NALF1: variants seen among roughly 807,000 people sequenced by gnomAD.
NALF1 encodes NALCN channel auxiliary factor 1, also known as family with sequence similarity 155 member A.
NALF1 carries 3 observed loss-of-function variants against 48.4 expected under a neutral mutation model. That is an observed-to-expected ratio of 0.06 (90% CI 0.03 to 0.16). The LOEUF (loss-of-function observed/expected upper bound fraction) is 0.16. NALF1 is among the 10% of genes least tolerant of loss of function. The pLI is 1.00. For missense variants in NALF1, 526 were observed against 571.5 expected (o/e 0.92, Z 0.81); for synonymous variants, 262 against 245.7 (o/e 1.07, Z -0.62).
intron 1 of NALF1, among the ~76,000 whole-genome samples, chr13:107,563,510 C>A (rs971501056): frequency 3.3e-5 from 5 of 152,304 alleles, no homozygotes; most frequent in African/African-American, 9.6e-5. Flanking sequence ...AGCCCTGACA[C>A]AGCAATTGTA....
intron 1 of NALF1, among the ~76,000 whole-genome samples, chr13:107,736,313 C>T (rs1176391877): frequency 6.6e-6 from 1 of 151,996 alleles, no homozygotes; most frequent in Non-Finnish European, 1.5e-5. Context: ...GCAGTGGCGG[C>T]GGCGGCATTT....
rs143003374 is a variant in NALF1 at position 107,256,605 on chromosome 13, T to G, written c.916-45850A>C. ...TGATATCATTGACTTGACAAATGAG[T>G]AAAGTTTTAATACATATCTTCAATG... On this transcript the variant is annotated intron_variant, in intron 1 of 2. Transcript: ENST00000375915. Among the ~76,000 whole-genome samples, 41 of 152,238 alleles carry G rather than the reference T, an allele frequency of 2.7e-4. 2 individuals carry two copies. In the East Asian group the frequency reaches 6.8e-3, roughly 25 times the overall value.
rs917265626 is a variant in NALF1 at position 107,491,537 on chromosome 13, G to A, written c.916-280782C>T. ...AGCTCCCCAGAGGTACCCTGTGAGT[G>A]AGGGCAGCCCTATCATTCTACCCCT... On this transcript the variant is annotated intron_variant, in intron 1 of 2. Coordinates refer to ENST00000375915, the MANE Select transcript of NALF1 (RefSeq NM_001080396.3). Among the ~76,000 whole-genome samples, 9 of 152,284 alleles carry A rather than the reference G, an allele frequency of 5.9e-5. No individual in the cohort carries two copies. In the South Asian group the frequency reaches 1.9e-3, roughly 32 times the overall value.
At chr13:107,849,969 T>C (rs1399023204) in intron 1 of NALF1, among the ~76,000 whole-genome samples, 1 of 152,248 alleles carries the variant, frequency 6.6e-6, no homozygotes, top group Non-Finnish European at 1.5e-5. Context: ...CTTTTAGTAA[T>C]TTATTATTTT....
At chr13:107,852,605 C>T (rs922860240) in intron 1 of NALF1, among the ~76,000 whole-genome samples, 2 of 152,124 alleles carry the variant, frequency 1.3e-5, no homozygotes, top group Non-Finnish European at 2.9e-5. Context: ...TGCATGTGGT[C>T]TTTTCAGAAC....
chr13:107,255,944 G>T (rs767190896), intron 1 of NALF1, among the ~76,000 whole-genome samples: 45 of 152,050 alleles, frequency 3.0e-4, no homozygotes, highest in Non-Finnish European at 5.9e-4. Flanking sequence ...AATATGTTAA[G>T]AACTTGGAGA....
chr13:107,784,335 T>C (rs555035386), intron 1 of NALF1, among the ~76,000 whole-genome samples: 1 of 152,208 alleles, frequency 6.6e-6, no homozygotes, highest in African/African-American at 2.4e-5. Flanking sequence ...TCCTGTGCTA[T>C]CATACAAAGG....
At chr13:107,830,321 T>G in intron 1 of NALF1, among the ~76,000 whole-genome samples, 1 of 152,232 alleles carries the variant, frequency 6.6e-6, no homozygotes, top group East Asian at 1.9e-4. Flanking sequence ...AAGGTAATTA[T>G]CTATGTATAA....
At chr13:107,406,428 A>G (rs561212241) in intron 1 of NALF1, among the ~76,000 whole-genome samples, 23 of 152,192 alleles carry the variant, frequency 1.5e-4, no homozygotes, top group African/African-American at 5.5e-4. Context: ...AGTTACACAT[A>G]AAGTTAAATA....
intron 2 of NALF1, among the ~76,000 whole-genome samples, chr13:107,190,253 T>C (rs1386854663): frequency 1.3e-5 from 2 of 152,216 alleles, no homozygotes; most frequent in African/African-American, 4.8e-5. Context: ...GTATTGCTAA[T>C]GCTTTGATCC....
At chr13:107,562,849 C>A (rs1005774262) in intron 1 of NALF1, among the ~76,000 whole-genome samples, 2 of 152,094 alleles carry the variant, frequency 1.3e-5, no homozygotes, top group East Asian at 1.9e-4. Context: ...TTTCATTTCA[C>A]GGAAAAAATT....
At chr13:107,727,137 C>A (rs1335470010) in intron 1 of NALF1, among the ~76,000 whole-genome samples, 1 of 151,680 alleles carries the variant, frequency 6.6e-6, no homozygotes, top group Non-Finnish European at 1.5e-5. Flanking sequence ...TAAAGGATAT[C>A]GCATATTTAA....
intron 1 of NALF1, among the ~76,000 whole-genome samples, chr13:107,471,867 T>G (rs1016949755): frequency 6.6e-6 from 1 of 152,218 alleles, no homozygotes; most frequent in East Asian, 1.9e-4. Context: ...ATTATTTTCT[T>G]TGAAAATGGC....
intron 1 of NALF1, among the ~76,000 whole-genome samples, chr13:107,253,893 G>T (rs767935272): frequency 6.6e-6 from 1 of 151,918 alleles, no homozygotes; most frequent in Non-Finnish European, 1.5e-5. Context: ...AGCCGTCATC[G>T]CTTAGATCAC....
intron 1 of NALF1, among the ~76,000 whole-genome samples, chr13:107,338,899 G>A (rs1882613388): frequency 6.6e-6 from 1 of 152,126 alleles, no homozygotes; most frequent in Non-Finnish European, 1.5e-5. Flanking sequence ...TTGGGAGGCT[G>A]AGGTGGGCGG....
At chr13:107,571,073 G>T (rs1044017689) in intron 1 of NALF1, among the ~76,000 whole-genome samples, 1 of 152,116 alleles carries the variant, frequency 6.6e-6, no homozygotes, top group African/African-American at 2.4e-5. Context: ...TCATGTATAA[G>T]ACAAGAAATA....
Position 107,415,545 on chromosome 13 carries a change from G to GA in NALF1, c.916-204791dup, listed in dbSNP as rs200343970. On this transcript the variant is annotated intron_variant, in intron 1 of 2. Coordinates refer to ENST00000375915, the MANE Select transcript of NALF1 (RefSeq NM_001080396.3). ...ACAACATAGCAGATTTCATTATCCT[G>GA]AAAAAAAATCTTAAAACTTTCTAAA... 5.5e-3 allele frequency among the ~76,000 whole-genome samples: 832 copies of GA among 151,554 alleles called. 9 individuals are homozygous for GA. Among genetic ancestry groups the GA allele is most frequent in the African/African-American group, 0.019 (783 of 41,328 alleles).
chr13:107,449,058 A>G (rs994261475), intron 1 of NALF1, among the ~76,000 whole-genome samples: 9 of 152,220 alleles, frequency 5.9e-5, no homozygotes, highest in African/African-American at 2.2e-4. Context: ...AGCCTGGCCA[A>G]CATGGTGAAA....
At chr13:107,695,946 G>C (rs1881690368) in intron 1 of NALF1, among the ~76,000 whole-genome samples, 1 of 148,770 alleles carries the variant, frequency 6.7e-6, no homozygotes, top group African/African-American at 2.5e-5. Flanking sequence ...ACCCAGGCTG[G>C]GGTGCAACTG....
Sources: gnomAD v4.1 joint callset for allele counts (sites outside exome capture counted in the v4.1 genomes callset) on GRCh38, gnomAD v4.1.1 for gene constraint, MANE v1.5 for transcripts, NCBI Gene and HGNC (gene_info 2026-07-23, HGNC 2026-07-21) for gene names.